The following ATP2C1 variants were observed in gnomAD, a reference collection of about 807,000 sequenced individuals.
ATP2C1 encodes ATPase secretory pathway Ca2+ transporting 1, also known as calcium-transporting ATPase type 2C member 1.
ATP2C1 carries 31 observed loss-of-function variants against 120.5 expected under a neutral mutation model. That is an observed-to-expected ratio of 0.26 (90% CI 0.19 to 0.35). The LOEUF is 0.35. ATP2C1 is among the 10% of genes least tolerant of loss of function. ATP2C1 has a pLI of 1.00. For synonymous variants in ATP2C1, 351 were observed against 358.7 expected (o/e 0.98, Z 0.24); for missense variants, 731 against 1,107.5 (o/e 0.66, Z 4.83).
chr3:130,938,782 C>CA (rs2059777878), intron 6 of ATP2C1, among the ~76,000 whole-genome samples: 1 of 152,164 alleles, frequency 6.6e-6, no homozygotes, highest in Non-Finnish European at 1.5e-5. Context: ...AAGAATGTGT[C>CA]AGATATGTGG....
chr3:130,952,966 G>T (rs2060428969), intron 8 of ATP2C1, among the ~76,000 whole-genome samples: 2 of 152,226 alleles, frequency 1.3e-5, no homozygotes, highest in South Asian at 4.1e-4. Flanking sequence ...TTCCTGTTGA[G>T]GTGATTCATG....
intron 26 of ATP2C1, among the ~76,000 whole-genome samples, chr3:131,012,872 G>A (rs2063383094): frequency 6.6e-6 from 1 of 152,164 alleles, no homozygotes; most frequent in African/African-American, 2.4e-5. Flanking sequence ...GTTTGACACT[G>A]GCTGATGCTG....
chr3:130,904,324 C>G (rs1435522945), intron 2 of ATP2C1, among the ~76,000 whole-genome samples: 1 of 151,950 alleles, frequency 6.6e-6, no homozygotes, highest in African/African-American at 2.4e-5. Context: ...TTAGTCTCCT[C>G]CCATCTGTTA....
intron 2 of ATP2C1, among the ~76,000 whole-genome samples, chr3:130,920,576 G>C (rs1228594756): frequency 6.6e-6 from 1 of 152,066 alleles, no homozygotes; most frequent in East Asian, 1.9e-4. Flanking sequence ...GATTATGGTA[G>C]CTTTGTAATA....
At chr3:130,927,502 A>G (rs1480874748) in intron 2 of ATP2C1, among the ~76,000 whole-genome samples, 2 of 152,064 alleles carry the variant, frequency 1.3e-5, no homozygotes, top group African/African-American at 4.8e-5. Context: ...CAGCCTCCCA[A>G]AGTGCTGGGA....
chr3:130,974,469 G>C (rs1317490289), intron 17 of ATP2C1, among the ~76,000 whole-genome samples: 1 of 152,184 alleles, frequency 6.6e-6, no homozygotes, highest in African/African-American at 2.4e-5. Context: ...CATGTTTATT[G>C]GCCAAAGCAA....
chr3:130,977,944 C>T (rs896052467), intron 18 of ATP2C1, among the ~76,000 whole-genome samples: 1 of 152,128 alleles, frequency 6.6e-6, no homozygotes, highest in Non-Finnish European at 1.5e-5. Flanking sequence ...GTCAGGGGCT[C>T]TCCACATGAA....
At chr3:130,880,141 C>T (rs946278836) in intron 1 of ATP2C1, among the ~76,000 whole-genome samples, 2 of 152,200 alleles carry the variant, frequency 1.3e-5, no homozygotes, top group Non-Finnish European at 2.9e-5. Context: ...TGGAAAATTA[C>T]AGAGTTCCCT....
chr3:130,946,471 C>T (rs1318466942), intron 8 of ATP2C1, among the ~76,000 whole-genome samples: 2 of 152,218 alleles, frequency 1.3e-5, no homozygotes, highest in Non-Finnish European at 2.9e-5. Flanking sequence ...ACTTTAGCTA[C>T]CTGCCACCTG....
chr3:130,989,804 A>C (rs1355831957), intron 20 of ATP2C1, among the ~76,000 whole-genome samples: 1 of 152,244 alleles, frequency 6.6e-6, no homozygotes, highest in African/African-American at 2.4e-5. Flanking sequence ...AGCTTTTGCC[A>C]AACACTTGTT....
chr3:130,877,717 G>C (rs1291801541), intron 1 of ATP2C1, among the ~76,000 whole-genome samples: 3 of 152,098 alleles, frequency 2.0e-5, no homozygotes, highest in Non-Finnish European at 2.9e-5. Flanking sequence ...AACCATTGTG[G>C]AAGTCAGTGT....
At chr3:130,991,556 TAAAG>T (rs1377085369) in intron 20 of ATP2C1, among the ~76,000 whole-genome samples, 3 of 150,810 alleles carry the variant, frequency 2.0e-5, no homozygotes, top group Non-Finnish European at 4.4e-5. Flanking sequence ...TTAAAAAAAA[TAAAG>T]AAAAAAAAGG....
At chr3:130,881,894 T>C (rs2068793087) in intron 1 of ATP2C1, among the ~76,000 whole-genome samples, 2 of 152,246 alleles carry the variant, frequency 1.3e-5, no homozygotes, top group African/African-American at 2.4e-5. Context: ...GATTTTTGTA[T>C]GTTGATTTTG....
At chr3:130,852,978 C>G (rs1485918879) in intron 1 of ATP2C1, among the ~76,000 whole-genome samples, 1 of 118,968 alleles carries the variant, frequency 8.4e-6, no homozygotes, top group Non-Finnish European at 1.9e-5. Context: ...ACCCTGCTAA[C>G]TTTTCTCCTT....
chr3:130,902,950 T>C (rs547396282), intron 2 of ATP2C1, among the ~76,000 whole-genome samples: 23 of 152,164 alleles, frequency 1.5e-4, no homozygotes, highest in African/African-American at 5.3e-4. Flanking sequence ...AAAGTCTCCT[T>C]ACATGTACAT....
intron 26 of ATP2C1, among the ~76,000 whole-genome samples, chr3:131,011,882 C>T (rs1414399252): frequency 6.6e-6 from 1 of 152,160 alleles, no homozygotes; most frequent in African/African-American, 2.4e-5. Flanking sequence ...TTCGGTGAAC[C>T]ACCTTACATA....
rs1020847043 is a variant in ATP2C1, at chr3:130,894,166, C to T, written c.-352C>T. On this transcript the variant is annotated 5_prime_UTR_variant, in exon 1 of 28. Transcript: ENST00000510168. The surrounding 1 kb of genome is among the most constrained non-coding windows in gnomAD (Gnocchi z 4.5). ...CTCTTCTCTCCCCTCCCCGCCCGCC[C>T]TCTCTCCCTCCCTTCCTCCCTCCCG... The T allele has an allele frequency of 1.6e-5, 14 of 863,262 alleles. No individual in the cohort carries two copies. The highest frequency in any genetic ancestry group is 1.2e-4 in the East Asian group (1 of 8,186). The allele number at this position is 863,262 out of a possible 1,614,324, so 53.5% of individuals were successfully genotyped here.
chr3:130,905,788 T>C (rs1291932357), intron 2 of ATP2C1, among the ~76,000 whole-genome samples: 1 of 152,078 alleles, frequency 6.6e-6, no homozygotes, highest in African/African-American at 2.4e-5. Context: ...ACAGCTGTAA[T>C]TGCTTTGCCA....
chr3:130,855,432 A>T (rs1005899737), intron 1 of ATP2C1, among the ~76,000 whole-genome samples: 1 of 152,160 alleles, frequency 6.6e-6, no homozygotes, highest in Non-Finnish European at 1.5e-5. Flanking sequence ...AGGTGTTTTT[A>T]TGCAGGTGAG....
Sources: gnomAD v4.1 joint callset for allele counts (sites outside exome capture counted in the v4.1 genomes callset) on GRCh38, gnomAD v4.1.1 for gene constraint, Gnocchi (gnomAD v3.1) non-coding constraint, MANE v1.5 for transcripts, NCBI Gene and HGNC (gene_info 2026-07-23, HGNC 2026-07-21) for gene names.